The following ADAMTS2 variants were observed in gnomAD, a reference collection of about 807,000 sequenced individuals.
ADAMTS2 encodes the protein A disintegrin and metalloproteinase with thrombospondin motifs 2.
Under a neutral mutation model 123.0 loss-of-function variants are expected in ADAMTS2, and 50 were observed. The ratio of observed to expected loss-of-function variants is 0.41; its 90% CI spans 0.32 to 0.51. The LOEUF is 0.51. Ranked by LOEUF, ADAMTS2 falls within the 20% of genes least tolerant of loss-of-function variation. The probability of loss-of-function intolerance (pLI) is 0.35; values close to 1 mark genes in which losing one functional copy is unlikely to be tolerated. For missense variants in ADAMTS2, 1,494 were observed against 1,705.2 expected (o/e 0.88, Z 2.18); for synonymous variants, 678 against 695.4 (o/e 0.98, Z 0.39).
intron 13 of ADAMTS2, among the ~76,000 whole-genome samples, chr5:179,135,487 C>A (rs1032167386): frequency 6.6e-6 from 1 of 152,226 alleles, no homozygotes; most frequent in Non-Finnish European, 1.5e-5. Flanking sequence ...AAGCACCAAA[C>A]CAGTGACCCT....
intron 2 of ADAMTS2, among the ~76,000 whole-genome samples, chr5:179,279,013 T>C (rs1360681112): frequency 6.6e-6 from 1 of 151,910 alleles, no homozygotes; most frequent in Non-Finnish European, 1.5e-5. Context: ...AGTTAGGGGT[T>C]CACAGGAAAC....
chr5:179,239,285 C>T (rs1175711968), intron 3 of ADAMTS2, among the ~76,000 whole-genome samples: 4 of 151,982 alleles, frequency 2.6e-5, no homozygotes, highest in African/African-American at 7.3e-5. Flanking sequence ...TGAAAGAAAA[C>T]CTAAAAAGAT....
intron 5 of ADAMTS2, among the ~76,000 whole-genome samples, chr5:179,178,473 G>A (rs777732870): frequency 1.6e-4 from 24 of 152,266 alleles, no homozygotes; most frequent in Non-Finnish European, 3.4e-4. Flanking sequence ...CTGGACCTCC[G>A]AAGTGGCCGG....
In ADAMTS2 at chr5:179,156,666, G is replaced by A. The variant is rs935733443; in HGVS notation, c.1133-1747C>T. On this transcript the variant is annotated intron_variant, in intron 6 of 21. Coordinates refer to ENST00000251582, the MANE Select transcript of ADAMTS2 (RefSeq NM_014244.5). ...AGCCACCGCGCCCCGTCTACCTTTC[G>A]AATTTTTTACTTCCCCCATCCTATC... Among the ~76,000 whole-genome samples, 10 of 151,834 alleles carry A rather than the reference G, an allele frequency of 6.6e-5. No homozygotes were observed. In the East Asian group the frequency reaches 9.7e-4, roughly 15 times the overall value.
chr5:179,182,764 T>A (rs527946147), intron 4 of ADAMTS2, among the ~76,000 whole-genome samples: 1 of 152,086 alleles, frequency 6.6e-6, no homozygotes, highest in Admixed American at 6.5e-5. Flanking sequence ...GGACAACTCA[T>A]CAGACCCACG....
Position 179,323,003 on chromosome 5 carries a change from G to T in ADAMTS2, c.534+20764C>A, listed in dbSNP as rs566928757. On this transcript the variant is annotated intron_variant, in intron 2 of 21. Coordinates refer to ENST00000251582, the MANE Select transcript of ADAMTS2 (RefSeq NM_014244.5). ...ATCCTGCCTGCAGACAGGACTGGCG[G>T]GAGGCAGAACTTGAGCTGCCTAGGA... Among the ~76,000 whole-genome samples the T allele has an allele frequency of 7.2e-5, 11 of 152,354 alleles. No homozygotes were observed. In the East Asian group the frequency reaches 2.1e-3, roughly 29 times the overall value.
intron 3 of ADAMTS2, among the ~76,000 whole-genome samples, chr5:179,265,230 G>A (rs2113497492): frequency 6.6e-6 from 1 of 152,344 alleles, no homozygotes; most frequent in South Asian, 2.1e-4. Flanking sequence ...GGTCAGGCTT[G>A]TCACCTGCCC....
chr5:179,179,038 G>A (rs1357395275), intron 5 of ADAMTS2, among the ~76,000 whole-genome samples: 2 of 152,160 alleles, frequency 1.3e-5, no homozygotes, highest in Non-Finnish European at 1.5e-5. Context: ...TCTGCCTCCC[G>A]GGTTCAAGCA....
rs963890616 is a variant in ADAMTS2, at chr5:179,207,584, C to T, written c.820G>A (p.Val274Met). 1.9e-5 allele frequency: 31 copies of T among 1,613,694 alleles called. No individual in the cohort carries two copies. The highest frequency in any genetic ancestry group is 4.4e-5 in the South Asian group (4 of 91,092). The change falls in exon 4 of 22, where the codon GTG becomes ATG. Residue 274 changes from valine to methionine, a missense_variant. Val to Met is a conservative substitution (Grantham distance 21, BLOSUM62 1). Coordinates refer to ENST00000251582, the MANE Select transcript of ADAMTS2 (RefSeq NM_014244.5). ...TGGAACTGCACCACAGAGTCATCCA[C>T]GCCCAGCAGGACCTCGATGTTGTAG... ...DDYNIEVLLGVDDSVVQFHGK... is the reference protein window; with the variant it reads ...DDYNIEVLLGMDDSVVQFHGK...
At chr5:179,136,145 G>A (rs1286088760) in intron 12 of ADAMTS2, 103 bp from the exon 13 acceptor site, 13 of 1,567,426 alleles carry the variant, frequency 8.3e-6, no homozygotes, top group African/African-American at 4.1e-5. Context: ...GGGTCCCCAC[G>A]TGGCCCACCC....
chr5:179,214,238 C>G (rs1449791023), intron 3 of ADAMTS2, among the ~76,000 whole-genome samples: 1 of 118,272 alleles, frequency 8.5e-6, no homozygotes, highest in African/African-American at 3.0e-5. Context: ...ATCGTGCCCA[C>G]AGTCACCATT....
At chr5:179,134,175 A>T (rs927145036) in intron 13 of ADAMTS2, among the ~76,000 whole-genome samples, 7 of 152,142 alleles carry the variant, frequency 4.6e-5, no homozygotes, top group Non-Finnish European at 8.8e-5. Flanking sequence ...GCCTGTATTA[A>T]TTATGTTTTT....
intron 2 of ADAMTS2, among the ~76,000 whole-genome samples, chr5:179,338,926 G>A (rs1333211142): frequency 1.3e-5 from 2 of 152,118 alleles, no homozygotes; most frequent in Non-Finnish European, 2.9e-5. Context: ...CTGGAAGGGT[G>A]GGGTCTGGAG....
At chr5:179,251,592 G>C (rs1451526780) in intron 3 of ADAMTS2, among the ~76,000 whole-genome samples, 3 of 152,240 alleles carry the variant, frequency 2.0e-5, no homozygotes, top group Non-Finnish European at 2.9e-5. Flanking sequence ...CTCCAGGAGG[G>C]ACACTACGTG....
chr5:179,273,286 G>A (rs1766598612), intron 2 of ADAMTS2, among the ~76,000 whole-genome samples: 1 of 152,104 alleles, frequency 6.6e-6, no homozygotes, highest in South Asian at 2.1e-4. Context: ...CCTCTGTCTG[G>A]GTCATCTCCA....
intron 2 of ADAMTS2, among the ~76,000 whole-genome samples, chr5:179,333,410 T>C (rs1338895672): frequency 1.3e-5 from 2 of 152,150 alleles, no homozygotes; most frequent in African/African-American, 4.8e-5. Context: ...CTCTCCTGTG[T>C]AGCTTTTGAA....
rs977872581 is a variant in ADAMTS2 at position 179,272,031 on chromosome 5, C to T, written c.688+880G>A. Among the ~76,000 whole-genome samples, 6 of 152,208 alleles carry T rather than the reference C, an allele frequency of 3.9e-5. No individual in the cohort carries two copies. Among genetic ancestry groups the T allele is most frequent in the Admixed American group, 1.3e-4 (2 of 15,284 alleles). On this transcript the variant is annotated intron_variant, in intron 3 of 21. Coordinates refer to ENST00000251582, the MANE Select transcript of ADAMTS2 (RefSeq NM_014244.5). The surrounding 1 kb of genome is among the most constrained non-coding windows in gnomAD (Gnocchi z 5.8). Reference sequence around the variant, plus strand: ...CTGACCAGAGGCTGAGGGCTGAGCTCGCAGCTTCCCACTCTCCCAGCAAGA... The same window carrying T: ...CTGACCAGAGGCTGAGGGCTGAGCTTGCAGCTTCCCACTCTCCCAGCAAGA...
In ADAMTS2 at chr5:179,139,939, T is replaced by A. The variant is rs761877584; in HGVS notation, c.1726A>T (p.Thr576Ser). Reference protein sequence around the residue: ...AWSPFGSCSRTCGTGVKFRTR... With the variant: ...AWSPFGSCSRSCGTGVKFRTR... ...CTGAACTTCACGCCCGTGCCACAGG[T>A]ACGTGAGCAGGAGCCAAACGGACTC... is the stretch of plus-strand genomic sequence containing the variant. The change falls in exon 11 of 22, where the codon ACC (threonine) becomes TCC (serine). Residue 576 changes from threonine (T) to serine (S), a missense_variant. By Grantham distance (58) the Thr-to-Ser change is moderately conservative (BLOSUM62 1). Transcript: ENST00000251582. 2 of 1,612,520 alleles carry A rather than the reference T, an allele frequency of 1.2e-6. No individual in the cohort carries two copies. The highest frequency in any genetic ancestry group is 4.5e-5 in the East Asian group (2 of 44,882).
At chr5:179,213,252 A>C (rs1012518361) in intron 3 of ADAMTS2, among the ~76,000 whole-genome samples, 1 of 151,998 alleles carries the variant, frequency 6.6e-6, no homozygotes, top group Non-Finnish European at 1.5e-5. Context: ...TCCTTATTTC[A>C]TCCCAAATTG....
Sources: gnomAD v4.1 joint callset for allele counts (sites outside exome capture counted in the v4.1 genomes callset) on GRCh38, gnomAD v4.1.1 for gene constraint, Gnocchi (gnomAD v3.1) non-coding constraint, MANE v1.5 for transcripts, NCBI Gene and HGNC (gene_info 2026-07-23, HGNC 2026-07-21) for gene names.